BCAS1: variants seen among roughly 807,000 people sequenced by gnomAD.
BCAS1 encodes brain enriched myelin associated protein 1.
A neutral mutation model predicts 65.4 loss-of-function variants in BCAS1; 46 were observed. The observed-to-expected ratio is 0.70, with a 90% CI of 0.55 to 0.90. BCAS1 has a LOEUF of 0.90. Among genes scored for constraint, BCAS1 ranks in the 40% least tolerant of loss-of-function variants. The pLI is 0.00. For missense variants in BCAS1, 793 were observed against 771.2 expected, an observed-to-expected ratio of 1.03 and a Z score of -0.33; for synonymous variants, 298 against 293.5, an observed-to-expected ratio of 1.02 and a Z score of -0.16.
At chr20:53,945,333 G>T (rs920864959) in intron 12 of BCAS1, among the ~76,000 whole-genome samples, 1 of 151,968 alleles carries the variant, frequency 6.6e-6, no homozygotes, top group African/African-American at 2.4e-5. Flanking sequence ...TACCTAGGGG[G>T]TACTAATTCT....
intron 4 of BCAS1, among the ~76,000 whole-genome samples, chr20:53,997,787 T>C (rs906028737): frequency 6.6e-5 from 10 of 152,066 alleles, no homozygotes; most frequent in Admixed American, 5.9e-4. Context: ...GGCAGGTTGG[T>C]GCATGTGGTT....
At chr20:53,951,223 A>G (rs1196584527) in intron 12 of BCAS1, among the ~76,000 whole-genome samples, 1 of 152,228 alleles carries the variant, frequency 6.6e-6, no homozygotes, top group Non-Finnish European at 1.5e-5. Context: ...CTGTAATCCC[A>G]GCACTTTGGG....
At position 54,008,615 on chromosome 20, in the gene BCAS1, C is replaced by T. The variant is rs74831607; in HGVS notation, c.724-12565G>A. Among the ~76,000 whole-genome samples, 186 of 152,150 alleles carry T rather than the reference C, an allele frequency of 1.2e-3. 4 individuals carry two copies. The East Asian group carries it at 0.025, about 21-fold the overall frequency. On this transcript the variant is annotated intron_variant, in intron 4 of 12. Transcript: ENST00000688948. ...GCCCCAGTACTGCTGGAATGGTGTC[C>T]GGGACAGCCAGCTAAAATAGAAAGT...
chr20:53,957,616 T>A, intron 10 of BCAS1, 119 bp from the exon 11 acceptor site: 1 of 867,502 alleles, frequency 1.2e-6, no homozygotes, highest in Non-Finnish European at 1.9e-6. Flanking sequence ...TCAAGACAAA[T>A]GGAAGGCCAA....
intron 10 of BCAS1, among the ~76,000 whole-genome samples, chr20:53,963,759 C>T (rs944110274): frequency 6.6e-6 from 1 of 152,190 alleles, no homozygotes; most frequent in African/African-American, 2.4e-5. Flanking sequence ...CTGCATAAAT[C>T]CGAAGACTTT....
chr20:54,057,873 A>G (rs1335812849), intron 3 of BCAS1, among the ~76,000 whole-genome samples: 1 of 152,156 alleles, frequency 6.6e-6, no homozygotes, highest in East Asian at 1.9e-4. Flanking sequence ...TGACAACTTT[A>G]TTTTGAACTT....
chr20:54,016,225 T>C (rs1267761271), intron 4 of BCAS1, among the ~76,000 whole-genome samples: 2 of 152,230 alleles, frequency 1.3e-5, no homozygotes, highest in Non-Finnish European at 2.9e-5. Flanking sequence ...AAAGACCTAT[T>C]GGATCATTTC....
At position 54,058,169 on chromosome 20, in the gene BCAS1, G is replaced by A. The variant is rs765691344; in HGVS notation, c.73-15C>T. On this transcript the variant is annotated splice_polypyrimidine_tract_variant and intron_variant, in intron 2 of 12. Coordinates refer to ENST00000688948, the MANE Select transcript of BCAS1 (RefSeq NM_001366298.2). ...GACGCGTTGTCCTGAAACAGAGCAC[G>A]TGGCATTGTGAGACAAATCTTCGGG... 6.2e-7 allele frequency: 1 copy of A among 1,612,352 alleles called. No homozygotes were observed. Among genetic ancestry groups the A allele is most frequent in the South Asian group, 1.1e-5 (1 of 90,942 alleles).
At chr20:54,025,332 G>A (rs1014572630) in intron 4 of BCAS1, among the ~76,000 whole-genome samples, 6 of 152,078 alleles carry the variant, frequency 3.9e-5, no homozygotes, top group Non-Finnish European at 7.4e-5. Flanking sequence ...GTTGTGGGGA[G>A]AGGAAAAAAA....
At chr20:54,058,039 C>G in intron 3 of BCAS1, 46 bp downstream of exon 3, 7 of 1,421,732 alleles carry the variant, frequency 4.9e-6, no homozygotes, top group Non-Finnish European at 6.9e-6. Flanking sequence ...CTGCAGACCC[C>G]CCTTCCCCAC....
chr20:53,951,395 C>A (rs1001440319), intron 12 of BCAS1, among the ~76,000 whole-genome samples: 1 of 152,182 alleles, frequency 6.6e-6, no homozygotes, highest in Non-Finnish European at 1.5e-5. Flanking sequence ...CGCTTGAACC[C>A]GGGATGCGGA....
At chr20:53,964,458 A>C (rs2089973975) in intron 10 of BCAS1, among the ~76,000 whole-genome samples, 2 of 152,250 alleles carry the variant, frequency 1.3e-5, no homozygotes, top group Admixed American at 1.3e-4. Flanking sequence ...TCAGGATTTA[A>C]ATTTTGCAAA....
intron 3 of BCAS1, among the ~76,000 whole-genome samples, chr20:54,043,412 A>G (rs200859513): frequency 2.0e-5 from 3 of 152,316 alleles, no homozygotes; most frequent in Non-Finnish European, 2.9e-5. Context: ...GAGGTTGCCA[A>G]CTATGAGGTC....
At chr20:54,064,449 C>A (rs1363094426) in intron 1 of BCAS1, among the ~76,000 whole-genome samples, 2 of 152,238 alleles carry the variant, frequency 1.3e-5, no homozygotes, top group African/African-American at 4.8e-5. Flanking sequence ...AATACACTCA[C>A]AACCCTTCTA....
chr20:54,018,115 C>T (rs1223266310), intron 4 of BCAS1, among the ~76,000 whole-genome samples: 1 of 152,222 alleles, frequency 6.6e-6, no homozygotes, highest in Admixed American at 6.5e-5. Context: ...ACATGCTATT[C>T]ACTGACTGTT....
intron 4 of BCAS1, among the ~76,000 whole-genome samples, chr20:54,020,457 C>CGTAT (rs1284895197): frequency 6.6e-6 from 1 of 152,150 alleles, no homozygotes; most frequent in Non-Finnish European, 1.5e-5. Flanking sequence ...TAAGTGAAAT[C>CGTAT]GTATACACCA....
intron 11 of BCAS1, among the ~76,000 whole-genome samples, chr20:53,956,783 G>A (rs1354875180): frequency 2.6e-5 from 4 of 151,952 alleles, no homozygotes; most frequent in Non-Finnish European, 5.9e-5. Flanking sequence ...GCCATTTTTT[G>A]TGGAGGTGTA....
intron 1 of BCAS1, among the ~76,000 whole-genome samples, chr20:54,061,126 G>T (rs1310778089): frequency 6.6e-6 from 1 of 152,180 alleles, no homozygotes; most frequent in Non-Finnish European, 1.5e-5. Flanking sequence ...TGAGATAGAG[G>T]TATCATGATT....
At chr20:53,953,882 T>C (rs1310619951) in intron 11 of BCAS1, among the ~76,000 whole-genome samples, 187 bp from the exon 12 acceptor site, 2 of 152,170 alleles carry the variant, frequency 1.3e-5, no homozygotes, top group African/African-American at 4.8e-5. Flanking sequence ...GGGACATTTA[T>C]TTAGTTATCT....
Sources: allele counts gnomAD v4.1 joint callset (sites outside exome capture counted in the v4.1 genomes callset), GRCh38; gene constraint gnomAD v4.1.1; transcripts MANE v1.5; gene names NCBI Gene and HGNC (gene_info 2026-07-23, HGNC 2026-07-21).